Variants in GMDS observed in about 807,000 individuals in gnomAD.
The protein encoded by GMDS is GDP-mannose 4,6-dehydratase.
A neutral mutation model predicts 49.9 loss-of-function variants in GMDS; 20 were observed. The observed-to-expected ratio is 0.40, with a 90% CI of 0.28 to 0.58. The LOEUF is 0.58. GMDS is among the 20% of genes least tolerant of loss of function. GMDS has a pLI of 0.42. For missense variants in GMDS, 362 were observed against 481.4 expected (o/e 0.75, Z 2.32); for synonymous variants, 177 against 178.6 (o/e 0.99, Z 0.07).
chr6:1,810,562 C>T (rs1201323764), intron 7 of GMDS, among the ~76,000 whole-genome samples: 9 of 151,932 alleles, frequency 5.9e-5, no homozygotes, highest in East Asian at 3.9e-4. Context: ...GGGTTACAGG[C>T]GTGAGCCACC....
chr6:1,948,882 G>A (rs1196911357), intron 6 of GMDS, among the ~76,000 whole-genome samples: 1 of 152,044 alleles, frequency 6.6e-6, no homozygotes, highest in East Asian at 1.9e-4. Flanking sequence ...TGCAATTCAC[G>A]GGTGTCTCGC....
chr6:2,098,769 T>C (rs955212270), intron 4 of GMDS, among the ~76,000 whole-genome samples: 1 of 152,058 alleles, frequency 6.6e-6, no homozygotes, highest in East Asian at 1.9e-4. Context: ...AAATTGAAAA[T>C]GGAATCTGGA....
At chr6:1,644,560 T>C (rs2113194570) in intron 9 of GMDS, among the ~76,000 whole-genome samples, 1 of 152,318 alleles carries the variant, frequency 6.6e-6, no homozygotes, top group South Asian at 2.1e-4. Context: ...ACCAAATTTG[T>C]GCTCTAAGTC....
chr6:2,119,149 G>A (rs773292862), intron 2 of GMDS, among the ~76,000 whole-genome samples: 5 of 151,898 alleles, frequency 3.3e-5, no homozygotes, highest in Admixed American at 6.6e-5. Flanking sequence ...GTGTTATTTC[G>A]GCTATCTTCT....
At chr6:2,107,325 T>G (rs1581659620) in intron 4 of GMDS, among the ~76,000 whole-genome samples, 1 of 152,168 alleles carries the variant, frequency 6.6e-6, no homozygotes, top group Non-Finnish European at 1.5e-5. Context: ...ATTGCTCAAA[T>G]CTACAACAGG....
chr6:1,629,287 C>T (rs1034678774), intron 9 of GMDS, among the ~76,000 whole-genome samples: 11 of 152,188 alleles, frequency 7.2e-5, no homozygotes, highest in African/African-American at 2.2e-4. Context: ...GTGTTAACAG[C>T]GGTAATGAAC....
intron 4 of GMDS, among the ~76,000 whole-genome samples, chr6:2,073,612 T>C (rs1772145195): frequency 6.6e-6 from 1 of 152,198 alleles, no homozygotes; most frequent in African/African-American, 2.4e-5. Flanking sequence ...TCTAACTGTA[T>C]GTTTGTACTC....
At chr6:1,852,148 T>G (rs1757705732) in intron 7 of GMDS, among the ~76,000 whole-genome samples, 1 of 152,252 alleles carries the variant, frequency 6.6e-6, no homozygotes, top group Admixed American at 6.5e-5. Context: ...ACCGCAGTTT[T>G]GCTGGCAACT....
chr6:1,855,437 A>G (rs1352551753), intron 7 of GMDS, among the ~76,000 whole-genome samples: 1 of 152,214 alleles, frequency 6.6e-6, no homozygotes, highest in Non-Finnish European at 1.5e-5. Flanking sequence ...CTGGCCAAGG[A>G]TTTTTCAGTT....
intron 7 of GMDS, among the ~76,000 whole-genome samples, chr6:1,795,142 G>A (rs753037010): frequency 6.6e-6 from 1 of 152,226 alleles, no homozygotes; most frequent in Non-Finnish European, 1.5e-5. Flanking sequence ...AGAGGTTACA[G>A]TGAGCTGAGA....
chr6:2,070,750 A>G (rs1160894240), intron 4 of GMDS, among the ~76,000 whole-genome samples: 1 of 152,112 alleles, frequency 6.6e-6, no homozygotes, highest in Non-Finnish European at 1.5e-5. Context: ...CATGGCTCCT[A>G]AGAACCCACG....
chr6:2,118,520 G>A (rs908701129), intron 2 of GMDS, among the ~76,000 whole-genome samples: 2 of 152,136 alleles, frequency 1.3e-5, no homozygotes, highest in South Asian at 4.2e-4. Flanking sequence ...TCCTTGGTAT[G>A]ACTCAAATAT....
chr6:2,061,894 T>G (rs553554499), intron 4 of GMDS, among the ~76,000 whole-genome samples: 2 of 152,258 alleles, frequency 1.3e-5, no homozygotes, highest in Admixed American at 1.3e-4. Context: ...TCATTAGTCA[T>G]TATTTATCTT....
chr6:1,932,687 G>A (rs1265268306), intron 6 of GMDS, among the ~76,000 whole-genome samples: 20 of 151,934 alleles, frequency 1.3e-4, no homozygotes, highest in African/African-American at 2.7e-4. Context: ...ACAGGTGCCC[G>A]TCACCACGCC....
intron 7 of GMDS, among the ~76,000 whole-genome samples, chr6:1,743,737 A>ATT (rs11458257): frequency 4.7e-4 from 68 of 146,070 alleles, no homozygotes; most frequent in Middle Eastern, 3.5e-3. Context: ...CACCTTAAAG[A>ATT]TTTTTTTTTT....
intron 7 of GMDS, among the ~76,000 whole-genome samples, chr6:1,806,439 AAC>A (rs34940754): frequency 0.019 from 2,818 of 145,924 alleles, 46 homozygotes; most frequent in African/African-American, 0.05. Context: ...AGCACATGGG[AAC>A]ACACACACAC....
intron 7 of GMDS, among the ~76,000 whole-genome samples, chr6:1,899,671 G>A (rs1760398450): frequency 6.6e-6 from 1 of 152,214 alleles, no homozygotes; most frequent in South Asian, 2.1e-4. Flanking sequence ...GGCTTCAGTG[G>A]AAACTTAGCT....
rs1026116104 is a variant in GMDS, at chr6:2,191,790, A to G, written c.102+53531T>C. Among the ~76,000 whole-genome samples the G allele has an allele frequency of 6.6e-6, 1 of 152,200 alleles. No individual in the cohort carries two copies. Among genetic ancestry groups the G allele is most frequent in the African/African-American group, 2.4e-5 (1 of 41,456 alleles). ...CATGGATGAGCAGCCTGGGTACCAC[A>G]GACCATGGCAGGAAGCAGACAGGCT... On this transcript the variant is annotated intron_variant, in intron 1 of 10. Transcript: ENST00000380815. The surrounding 1 kb of genome is among the most constrained non-coding windows in gnomAD (Gnocchi z 4.6).
chr6:2,151,461 A>G (rs759990029), intron 1 of GMDS, among the ~76,000 whole-genome samples: 6 of 152,130 alleles, frequency 3.9e-5, no homozygotes, highest in Non-Finnish European at 5.9e-5. Context: ...CATGAGCAAT[A>G]TAGCCATTTG....
Sources: allele counts gnomAD v4.1 joint callset (sites outside exome capture counted in the v4.1 genomes callset), GRCh38; gene constraint gnomAD v4.1.1; non-coding constraint Gnocchi (gnomAD v3.1); transcripts MANE v1.5; gene names NCBI Gene and HGNC (gene_info 2026-07-23, HGNC 2026-07-21).